Variants in NFIB observed in about 807,000 individuals in gnomAD.
The protein encoded by NFIB is nuclear factor 1 B-type.
In NFIB, 11 loss-of-function variants were observed where a neutral mutation model predicts 61.5. That is an observed-to-expected ratio of 0.18 (90% CI 0.11 to 0.30). The LOEUF is 0.30. Ranked by LOEUF, NFIB falls within the 10% of genes least tolerant of loss-of-function variation. The probability of loss-of-function intolerance (pLI) is 1.00; values close to 1 mark genes in which losing one functional copy is unlikely to be tolerated. For synonymous variants in NFIB, 260 were observed against 216.5 expected, an observed-to-expected ratio of 1.20 and a Z score of -1.76; for missense variants, 471 against 608.9, an observed-to-expected ratio of 0.77 and a Z score of 2.38.
intron 2 of NFIB, among the ~76,000 whole-genome samples, chr9:14,229,244 A>G (rs898898195): frequency 6.6e-5 from 10 of 152,206 alleles, no homozygotes; most frequent in Admixed American, 1.3e-4. Flanking sequence ...AACCAATAAC[A>G]TATTAGGTGA....
chr9:14,490,269 G>T, the NFIB span, among the ~76,000 whole-genome samples: 9 of 151,768 alleles, frequency 5.9e-5, no homozygotes, highest in African/African-American at 2.2e-4. Flanking sequence ...GTTAGTTCTG[G>T]GATAATTGAT....
chr9:14,144,856 T>C (rs963161856), intron 6 of NFIB, among the ~76,000 whole-genome samples: 1 of 152,012 alleles, frequency 6.6e-6, no homozygotes, highest in African/African-American at 2.4e-5. Context: ...TATAGGAAGG[T>C]CCCGGTTGTT....
intron 1 of NFIB, among the ~76,000 whole-genome samples, chr9:14,342,817 C>T (rs947300396): frequency 4.6e-5 from 7 of 152,090 alleles, no homozygotes; most frequent in East Asian, 3.9e-4. Flanking sequence ...TTTATAACAT[C>T]GATGCTTCTT....
chr9:14,191,383 A>C (rs1185119200), intron 2 of NFIB, among the ~76,000 whole-genome samples: 3 of 152,200 alleles, frequency 2.0e-5, no homozygotes, highest in Non-Finnish European at 2.9e-5. Flanking sequence ...AGAATAATAA[A>C]GAATAACAGA....
chr9:14,125,706 G>C lies in NFIB; in HGVS notation c.986C>G (p.Pro329Arg). Reference protein sequence around the residue: ...PEKPLFSSASPQDSSPRLSTF... With the variant: ...PEKPLFSSASRQDSSPRLSTF... ...GCTCAGTCTTGGGGAAGAATCCTGT[G>C]GAGATGCAGAGCTGAACAATGGCTT... Residue 329 changes from proline (P) to arginine (R), a missense_variant, in exon 7 of 11, where the codon CCA becomes CGA. Coordinates refer to ENST00000380953, the MANE Select transcript of NFIB (RefSeq NM_001190737.2). The C allele has an allele frequency of 6.2e-7, 1 of 1,614,134 alleles. No individual in the cohort carries two copies. Among genetic ancestry groups the C allele is most frequent in the Non-Finnish European group, 8.5e-7 (1 of 1,180,006 alleles).
intron 1 of NFIB, among the ~76,000 whole-genome samples, chr9:14,340,110 G>T (rs147085470): frequency 6.6e-6 from 1 of 152,074 alleles, no homozygotes; most frequent in African/African-American, 2.4e-5. Context: ...TGTAAAGTGG[G>T]GCTCTAACTT....
At chr9:14,517,569 A>G in the NFIB span, among the ~76,000 whole-genome samples, 6 of 152,072 alleles carry the variant, frequency 3.9e-5, no homozygotes, top group African/African-American at 1.2e-4. Context: ...AAGTTTCACT[A>G]TAATGAAATC....
At chr9:14,347,280 G>C (rs2061037636) in intron 1 of NFIB, 1 of 152,272 alleles carries the variant, frequency 6.6e-6, no homozygotes, top group African/African-American at 2.4e-5. Context: ...TGAGAGTGGG[G>C]GATGAGAAAC....
chr9:14,404,956 A>G, the NFIB span, among the ~76,000 whole-genome samples: 1 of 151,724 alleles, frequency 6.6e-6, no homozygotes, highest in Non-Finnish European at 1.5e-5. Flanking sequence ...TACGGAAGAG[A>G]CTCCGTGTAG....
intron 2 of NFIB, among the ~76,000 whole-genome samples, chr9:14,192,273 T>A (rs1563884941): frequency 6.6e-6 from 1 of 152,210 alleles, no homozygotes; most frequent in African/African-American, 2.4e-5. Flanking sequence ...GACAGAAATG[T>A]ATAAACTAAA....
chr9:14,380,250 C>T (rs562915706), intron 1 of NFIB, among the ~76,000 whole-genome samples: 1 of 152,268 alleles, frequency 6.6e-6, no homozygotes, highest in South Asian at 2.1e-4. Flanking sequence ...CCATGAGAAG[C>T]TCCATGGAAG....
the NFIB span, among the ~76,000 whole-genome samples, chr9:14,418,597 C>T: frequency 6.6e-6 from 1 of 152,154 alleles, no homozygotes; most frequent in Non-Finnish European, 1.5e-5. Context: ...TGCGTGTGAG[C>T]CCTGTGTCTC....
chr9:14,301,444 G>A (rs867514817), intron 2 of NFIB, among the ~76,000 whole-genome samples: 1 of 152,202 alleles, frequency 6.6e-6, no homozygotes, highest in Non-Finnish European at 1.5e-5. Flanking sequence ...CAGGGTGGGG[G>A]GAAGGATGCC....
chr9:14,370,185 A>C (rs545293125), intron 1 of NFIB, among the ~76,000 whole-genome samples: 45 of 152,248 alleles, frequency 3.0e-4, no homozygotes, highest in Non-Finnish European at 5.6e-4. Context: ...GCTCAATATC[A>C]CATCCTGGGT....
intron 2 of NFIB, among the ~76,000 whole-genome samples, chr9:14,221,475 A>G (rs562181698): frequency 6.6e-6 from 1 of 152,322 alleles, no homozygotes; most frequent in East Asian, 1.9e-4. Context: ...TTACAGTTAG[A>G]AAAACTGAGG....
intron 6 of NFIB, among the ~76,000 whole-genome samples, chr9:14,138,196 A>C (rs372447632): frequency 6.6e-6 from 1 of 152,234 alleles, no homozygotes; most frequent in East Asian, 1.9e-4. Context: ...AGAAAAATAG[A>C]TATAAACTTA....
chr9:14,388,363 AGAAAGAAGGAAGGAAGGAAGGAAG>A (rs1442255916), intron 1 of NFIB, among the ~76,000 whole-genome samples: 3 of 81,678 alleles, frequency 3.7e-5, no homozygotes, highest in South Asian at 8.6e-4. Context: ...AAAAAGAGAA[AGAAAGAAGGAAGGAAGGAAGGAAG>A]GAAGGAAGGA....
the NFIB span, among the ~76,000 whole-genome samples, chr9:14,468,114 CA>C: frequency 1.3e-5 from 2 of 152,258 alleles, no homozygotes; most frequent in South Asian, 4.1e-4. Context: ...CACAAAGTGC[CA>C]AATGTAGAAA....
chr9:14,462,977 G>A, the NFIB span, among the ~76,000 whole-genome samples: 1 of 152,120 alleles, frequency 6.6e-6, no homozygotes, highest in African/African-American at 2.4e-5. Context: ...TGTGCTTCAC[G>A]AATGTTACAA....
Sources: allele counts gnomAD v4.1 joint callset (sites outside exome capture counted in the v4.1 genomes callset), GRCh38; gene constraint gnomAD v4.1.1; transcripts MANE v1.5; gene names NCBI Gene and HGNC (gene_info 2026-07-23, HGNC 2026-07-21).